DNAI1: variants seen among roughly 807,000 people sequenced by gnomAD.
DNAI1 encodes the protein dynein, axonemal, intermediate polypeptide 1.
Under a neutral mutation model 92.0 loss-of-function variants are expected in DNAI1, and 67 were observed. That is an observed-to-expected ratio of 0.73 (90% CI 0.60 to 0.89). DNAI1 has a LOEUF of 0.89. Among genes scored for constraint, DNAI1 ranks in the 40% least tolerant of loss-of-function variants. The pLI, the probability that DNAI1 is intolerant of heterozygous loss-of-function variation, is 0.00. For synonymous variants in DNAI1, 323 were observed against 319.6 expected (o/e 1.01, Z -0.11); for missense variants, 839 against 866.6 (o/e 0.97, Z 0.40).
At chr9:34,517,606 GAGGCTCACAGT>G in intron 19 of DNAI1, 139 bp downstream of exon 19, 1 of 990,470 alleles carries the variant, frequency 1.0e-6, no homozygotes, top group Non-Finnish European at 1.5e-6. Context: ...TTGCCTGAAT[GAGGCTCACAGT>G]AGAAGCAGGT....
In DNAI1 at chr9:34,509,140, A is replaced by G. The variant is rs1029130736; in HGVS notation, c.1311+2266A>G. On this transcript the variant is annotated intron_variant, in intron 13 of 19. Transcript: ENST00000242317. Reference sequence around the variant, plus strand: ...GCTAAGTGCTAAAGTAGAAGTGCGCAAGGAGGGGCACCCACACTGTCCTGG... The same window carrying G: ...GCTAAGTGCTAAAGTAGAAGTGCGCGAGGAGGGGCACCCACACTGTCCTGG... 2.0e-5 allele frequency among the ~76,000 whole-genome samples: 3 copies of G among 152,226 alleles called. No homozygotes were observed. The South Asian group carries it at 6.2e-4, about 32-fold the overall frequency.
intron 1 of DNAI1, among the ~76,000 whole-genome samples, chr9:34,460,879 C>T (rs181284027): frequency 1.3e-5 from 2 of 152,000 alleles, no homozygotes; most frequent in African/African-American, 2.4e-5. Context: ...CTTGCTCTGT[C>T]GCCCAGGCTG....
chr9:34,496,807 C>T (rs1824735289), intron 9 of DNAI1, among the ~76,000 whole-genome samples: 3 of 152,324 alleles, frequency 2.0e-5, no homozygotes, highest in South Asian at 4.1e-4. Flanking sequence ...CTCTTCAATG[C>T]CCTGTCTTGT....
At chr9:34,511,527 A>G (rs1324162059) in intron 13 of DNAI1, among the ~76,000 whole-genome samples, 2 of 152,136 alleles carry the variant, frequency 1.3e-5, no homozygotes, top group African/African-American at 4.8e-5. Flanking sequence ...ACTAGCAAGC[A>G]GGGAAAGGCC....
At chr9:34,512,075 A>G (rs1409577398) in intron 13 of DNAI1, 34 bp from the exon 14 acceptor site, 1 of 1,604,338 alleles carries the variant, frequency 6.2e-7, no homozygotes. Context: ...ACACTTTAGC[A>G]GGGTCCCAGA....
At chr9:34,464,938 A>G (rs1267224375) in intron 1 of DNAI1, among the ~76,000 whole-genome samples, 1 of 152,236 alleles carries the variant, frequency 6.6e-6, no homozygotes, top group Non-Finnish European at 1.5e-5. Flanking sequence ...AAAATGGAGA[A>G]TAAGAAGGAG....
intron 10 of DNAI1, among the ~76,000 whole-genome samples, chr9:34,497,464 C>T (rs1824749793): frequency 6.6e-6 from 1 of 152,208 alleles, no homozygotes; most frequent in Non-Finnish European, 1.5e-5. Flanking sequence ...ATCTCATCTT[C>T]CTGATAACCC....
At chr9:34,493,415 G>T in intron 9 of DNAI1, 87 bp downstream of exon 9, 3 of 1,559,348 alleles carry the variant, frequency 1.9e-6, no homozygotes, top group South Asian at 2.2e-5. Flanking sequence ...CTGTCTGGGA[G>T]GGGTTCACAG....
chr9:34,499,044 C>T, intron 10 of DNAI1, among the ~76,000 whole-genome samples: 1 of 152,190 alleles, frequency 6.6e-6, no homozygotes, highest in Admixed American at 6.5e-5. Context: ...AACACAGTCA[C>T]ATAAAAATGT....
chr9:34,482,803 G>A (rs376193617), intron 1 of DNAI1, among the ~76,000 whole-genome samples: 1 of 152,250 alleles, frequency 6.6e-6, no homozygotes, highest in Non-Finnish European at 1.5e-5. Flanking sequence ...ACTGGGCGCC[G>A]TGGAGCAGAG....
intron 18 of DNAI1, among the ~76,000 whole-genome samples, chr9:34,515,449 A>C (rs567883920): frequency 3.1e-4 from 47 of 152,316 alleles, no homozygotes; most frequent in Non-Finnish European, 4.3e-4. Context: ...CTTATGTTCT[A>C]GTGAAGGGAA....
chr9:34,482,864 T>G (rs1824393406), intron 1 of DNAI1, among the ~76,000 whole-genome samples: 1 of 152,170 alleles, frequency 6.6e-6, no homozygotes, highest in African/African-American at 2.4e-5. Flanking sequence ...ATGGAGTGGG[T>G]GGGAGGCTCA....
At chr9:34,504,155 G>C (rs897900413) in intron 12 of DNAI1, among the ~76,000 whole-genome samples, 2 of 152,178 alleles carry the variant, frequency 1.3e-5, no homozygotes, top group African/African-American at 4.8e-5. Context: ...CCCCAGCCCA[G>C]CCTCTGTCTG....
intron 8 of DNAI1, among the ~76,000 whole-genome samples, chr9:34,492,534 A>ATATATATATT (rs1824630559): frequency 1.6e-5 from 2 of 123,614 alleles, no homozygotes; most frequent in Non-Finnish European, 3.4e-5. Flanking sequence ...ATATATATAT[A>ATATATATATT]TTTGAGACAA....
intron 2 of DNAI1, chr9:34,484,924 A>T (rs551559770): frequency 5.8e-6 from 3 of 516,134 alleles, no homozygotes; most frequent in Admixed American, 5.8e-5. Context: ...GCTAAGCCTG[A>T]CCCCCAGGGC....
chr9:34,493,051 A>G, intron 8 of DNAI1, 143 bp from the exon 9 acceptor site: 1 of 1,046,824 alleles, frequency 9.6e-7, no homozygotes, highest in Non-Finnish European at 1.5e-6. Flanking sequence ...ACAGGTATTG[A>G]ATACCTAATT....
At chr9:34,485,293 A>G in intron 3 of DNAI1, 53 bp downstream of exon 3, 1 of 1,610,212 alleles carries the variant, frequency 6.2e-7, no homozygotes, top group Non-Finnish European at 8.5e-7. Flanking sequence ...AGTTTCGGAG[A>G]TGTGTTCTTC....
chr9:34,497,344 G>A, intron 10 of DNAI1, 145 bp downstream of exon 10: 1 of 707,408 alleles, frequency 1.4e-6, no homozygotes, highest in South Asian at 1.5e-5. Context: ...ATGTCACTGG[G>A]GAGACAAGAC....
At chr9:34,481,410 G>A (rs1305804165) in intron 1 of DNAI1, among the ~76,000 whole-genome samples, 1 of 152,134 alleles carries the variant, frequency 6.6e-6, no homozygotes, top group East Asian at 1.9e-4. Flanking sequence ...CTGAAACTGG[G>A]TTGCCTCAGA....
Sources: allele counts gnomAD v4.1 joint callset (sites outside exome capture counted in the v4.1 genomes callset), GRCh38; gene constraint gnomAD v4.1.1; transcripts MANE v1.5; gene names NCBI Gene and HGNC (gene_info 2026-07-23, HGNC 2026-07-21).